Variants in NAALADL2 observed in about 807,000 individuals in gnomAD.
NAALADL2 encodes N-acetylated alpha-linked acidic dipeptidase like 2.
Under a neutral mutation model 87.2 loss-of-function variants are expected in NAALADL2, and 76 were observed. The ratio of observed to expected loss-of-function variants is 0.87; its 90% CI spans 0.72 to 1.05. The LOEUF is 1.05. Among genes scored for constraint, NAALADL2 ranks in the 50% least tolerant of loss-of-function variants. The probability of loss-of-function intolerance (pLI) is 0.00; values close to 1 mark genes in which losing one functional copy is unlikely to be tolerated. For missense variants in NAALADL2, 1,089 were observed against 945.8 expected, an observed-to-expected ratio of 1.15 and a Z score of -1.99; for synonymous variants, 354 against 331.0, an observed-to-expected ratio of 1.07 and a Z score of -0.75.
At chr3:175,263,581 G>A (rs962373538) in intron 4 of NAALADL2, among the ~76,000 whole-genome samples, 7 of 151,710 alleles carry the variant, frequency 4.6e-5, no homozygotes, top group African/African-American at 7.2e-5. Context: ...GTTGATTTTC[G>A]CATATTTCTT....
chr3:174,519,351 G>C (rs1232572516), intron 1 of NAALADL2, among the ~76,000 whole-genome samples: 1 of 140,234 alleles, frequency 7.1e-6, no homozygotes, highest in Non-Finnish European at 1.5e-5. Context: ...TTTTGAGACA[G>C]AGTTTCACTC....
At chr3:175,635,853 G>A (rs957394582) in intron 11 of NAALADL2, among the ~76,000 whole-genome samples, 7 of 151,972 alleles carry the variant, frequency 4.6e-5, no homozygotes, top group Non-Finnish European at 1.0e-4. Flanking sequence ...AATAACTCTA[G>A]GTCGACAGAT....
intron 5 of NAALADL2, among the ~76,000 whole-genome samples, chr3:175,376,893 C>T (rs1490958331): frequency 6.6e-6 from 1 of 152,076 alleles, no homozygotes; most frequent in African/African-American, 2.4e-5. Flanking sequence ...TTCTAATCTA[C>T]TGTTAATCCC....
intron 4 of NAALADL2, among the ~76,000 whole-genome samples, chr3:175,272,943 C>T (rs1482093282): frequency 1.3e-5 from 2 of 151,902 alleles, no homozygotes; most frequent in African/African-American, 4.8e-5. Context: ...ATAGCAATAA[C>T]ATATTAATGG....
At chr3:174,561,201 CTTTTTTT>C (rs200957982) in intron 2 of NAALADL2, among the ~76,000 whole-genome samples, 1 of 130,756 alleles carries the variant, frequency 7.6e-6, no homozygotes, top group Non-Finnish European at 1.6e-5. Flanking sequence ...AATAGGATTC[CTTTTTTT>C]TTTTTTTTTT....
intron 1 of NAALADL2, among the ~76,000 whole-genome samples, chr3:174,947,309 T>C (rs765598227): frequency 6.6e-6 from 1 of 152,156 alleles, no homozygotes; most frequent in Non-Finnish European, 1.5e-5. Flanking sequence ...CAAGATTACA[T>C]GTTCAGTTAT....
At chr3:174,973,347 G>A (rs1196766717) in intron 1 of NAALADL2, among the ~76,000 whole-genome samples, 1 of 152,152 alleles carries the variant, frequency 6.6e-6, no homozygotes, top group Non-Finnish European at 1.5e-5. Flanking sequence ...GTTAAATTAA[G>A]ATGTTGCGAT....
intron 9 of NAALADL2, among the ~76,000 whole-genome samples, chr3:175,511,548 A>G (rs570664520): frequency 6.6e-6 from 1 of 152,340 alleles, no homozygotes; most frequent in Admixed American, 6.5e-5. Context: ...TTGATCTTGG[A>G]CGACTAGTCT....
At chr3:175,357,492 G>A (rs114752247) in intron 5 of NAALADL2, among the ~76,000 whole-genome samples, 3,042 of 152,182 alleles carry the variant, frequency 0.02, 100 homozygotes, top group African/African-American at 0.07. Context: ...CTTCTTATCT[G>A]TAAGAAACAA....
intron 2 of NAALADL2, among the ~76,000 whole-genome samples, chr3:174,589,569 C>A (rs975064444): frequency 7.2e-5 from 11 of 152,174 alleles, no homozygotes; most frequent in African/African-American, 2.7e-4. Flanking sequence ...CATTTATGGT[C>A]ACACCAACAG....
chr3:175,540,883 C>A (rs2149468441), intron 9 of NAALADL2, among the ~76,000 whole-genome samples: 1 of 152,170 alleles, frequency 6.6e-6, no homozygotes, highest in Admixed American at 6.6e-5. Flanking sequence ...CCAAAGATTT[C>A]TTTAGAAAGA....
At chr3:175,373,191 A>G (rs183265452) in intron 5 of NAALADL2, among the ~76,000 whole-genome samples, 38 of 152,326 alleles carry the variant, frequency 2.5e-4, no homozygotes, top group Admixed American at 2.4e-3. Context: ...ATATAAAAAA[A>G]AGCACCCAAT....
chr3:174,528,799 C>G (rs921518226), intron 1 of NAALADL2, among the ~76,000 whole-genome samples: 1 of 152,148 alleles, frequency 6.6e-6, no homozygotes, highest in Non-Finnish European at 1.5e-5. Flanking sequence ...TTAAAACCAT[C>G]ATATCTCATG....
chr3:174,831,341 C>T (rs983850944), intron 3 of NAALADL2, among the ~76,000 whole-genome samples: 1 of 146,416 alleles, frequency 6.8e-6, no homozygotes, highest in African/African-American at 2.6e-5. Flanking sequence ...TTGTCAAAGG[C>T]CTTTTCTGCA....
At chr3:174,885,588 A>G (rs1228762604) in intron 1 of NAALADL2, among the ~76,000 whole-genome samples, 1 of 152,146 alleles carries the variant, frequency 6.6e-6, no homozygotes, top group Non-Finnish European at 1.5e-5. Context: ...AGTGTACTCC[A>G]TACTATTAGA....
At chr3:174,659,729 G>T (rs1725331195) in intron 2 of NAALADL2, among the ~76,000 whole-genome samples, 1 of 152,134 alleles carries the variant, frequency 6.6e-6, no homozygotes, top group Non-Finnish European at 1.5e-5. Flanking sequence ...CTTCCCTGGG[G>T]CTATGTCTGA....
Position 174,936,691 on chromosome 3 carries a change from A to G in NAALADL2, c.43+77241A>G, listed in dbSNP as rs960682274. 1.6e-4 allele frequency among the ~76,000 whole-genome samples: 24 copies of G among 152,122 alleles called. 1 individual carries two copies. The highest frequency in any genetic ancestry group is 1.2e-3 in the Admixed American group (19 of 15,264). On this transcript the variant is annotated intron_variant, in intron 1 of 13. Transcript: ENST00000454872. Reference sequence around the variant, plus strand: ...TCTCTTTTTGTTTGTAATCACCTAAATGTGCTTTCCAAAGTCTGACTCTCT... The same window carrying G: ...TCTCTTTTTGTTTGTAATCACCTAAGTGTGCTTTCCAAAGTCTGACTCTCT...
chr3:175,781,581 A>G (rs1348496865), intron 13 of NAALADL2, among the ~76,000 whole-genome samples: 2 of 151,664 alleles, frequency 1.3e-5, no homozygotes, highest in South Asian at 4.2e-4. Context: ...GTGTGCTCCT[A>G]CTTATAAAAA....
At chr3:174,932,371 G>T (rs9830008) in intron 1 of NAALADL2, among the ~76,000 whole-genome samples, 38,695 of 152,046 alleles carry the variant, frequency 0.25, 5,310 homozygotes, top group East Asian at 0.46. Flanking sequence ...AGAAAGCCTG[G>T]ACTAATTTTC....
Sources: gnomAD v4.1 joint callset for allele counts (sites outside exome capture counted in the v4.1 genomes callset) on GRCh38, gnomAD v4.1.1 for gene constraint, MANE v1.5 for transcripts, NCBI Gene and HGNC (gene_info 2026-07-23, HGNC 2026-07-21) for gene names.